PTPRR: variants seen among roughly 807,000 people sequenced by gnomAD.
The protein encoded by PTPRR is receptor-type tyrosine-protein phosphatase R.
PTPRR carries 38 observed loss-of-function variants against 77.2 expected under a neutral mutation model. The ratio of observed to expected loss-of-function variants is 0.49; its 90% CI spans 0.38 to 0.65. The LOEUF (loss-of-function observed/expected upper bound fraction) is 0.65, where lower values mean the gene tolerates loss of function less well. Ranked by LOEUF, PTPRR falls within the 30% of genes least tolerant of loss-of-function variation. The pLI, the probability that PTPRR is intolerant of heterozygous loss-of-function variation, is 0.00. For synonymous variants in PTPRR, 299 were observed against 283.1 expected, an observed-to-expected ratio of 1.06 and a Z score of -0.57; for missense variants, 744 against 799.2, an observed-to-expected ratio of 0.93 and a Z score of 0.83.
chr12:70,867,490 G>A lies in PTPRR; in HGVS notation c.357+25189C>T, dbSNP rs1565723707. On this transcript the variant is annotated intron_variant, in intron 2 of 13. Coordinates refer to ENST00000283228, the MANE Select transcript of PTPRR (RefSeq NM_002849.4). ...AATCCAACTTACAAGGGATGTGAAG[G>A]ACCTCTTCAAGGAGAACTACAAACC... 2.0e-5 allele frequency among the ~76,000 whole-genome samples: 3 copies of A among 151,974 alleles called. No homozygotes were observed. In the South Asian group the frequency reaches 6.3e-4, roughly 32 times the overall value.
At chr12:70,791,206 T>A (rs1012757189) in intron 2 of PTPRR, among the ~76,000 whole-genome samples, 1 of 152,182 alleles carries the variant, frequency 6.6e-6, no homozygotes, top group Non-Finnish European at 1.5e-5. Context: ...TCCTATTTGA[T>A]CTCTCTAATA....
Position 70,892,852 on chromosome 12 carries a change from A to G in PTPRR, c.184T>C (p.Tyr62His), listed in dbSNP as rs1231699928. 3 of 1,613,470 alleles carry G rather than the reference A, an allele frequency of 1.9e-6. No individual in the cohort carries two copies. Among genetic ancestry groups the G allele is most frequent in the Non-Finnish European group, 2.5e-6 (3 of 1,179,638 alleles). The change falls in exon 2 of 14, where the codon TAC becomes CAC. Residue 62 changes from tyrosine to histidine, a missense_variant. Physicochemically the swap from Tyr to His is moderately conservative, Grantham distance 83. Coordinates refer to ENST00000283228, the MANE Select transcript of PTPRR (RefSeq NM_002849.4). ...KSLDIAPQKI[Y>H]RHSYHSSSEA... Reference sequence around the variant, plus strand: ...GAAGAGGAATGGTAGCTATGTCTGTAGATTTTTTGTGGGGCTATATCCAGG... The same window carrying G: ...GAAGAGGAATGGTAGCTATGTCTGTGGATTTTTTGTGGGGCTATATCCAGG...
intron 2 of PTPRR, among the ~76,000 whole-genome samples, chr12:70,850,509 C>T (rs1337130689): frequency 6.6e-6 from 1 of 152,156 alleles, no homozygotes; most frequent in African/African-American, 2.4e-5. Flanking sequence ...TTTCCCATCA[C>T]CGATTTCTAT....
At chr12:70,711,339 A>T (rs1229663941) in intron 6 of PTPRR, among the ~76,000 whole-genome samples, 1 of 152,172 alleles carries the variant, frequency 6.6e-6, no homozygotes, top group East Asian at 1.9e-4. Flanking sequence ...GTGCTAAATG[A>T]TGAGAACACA....
chr12:70,836,468 T>C (rs75372435), intron 2 of PTPRR, among the ~76,000 whole-genome samples: 404 of 152,126 alleles, frequency 2.7e-3, no homozygotes, highest in African/African-American at 7.9e-3. Context: ...TCTGCAGAAA[T>C]AGGACATATC....
chr12:70,767,343 A>G (rs1055695404), intron 2 of PTPRR, among the ~76,000 whole-genome samples: 3 of 150,586 alleles, frequency 2.0e-5, no homozygotes, highest in Admixed American at 6.6e-5. Context: ...ATGGAAAACA[A>G]AAAATTACAG....
chr12:70,905,153 T>G (rs1010636995), intron 1 of PTPRR, among the ~76,000 whole-genome samples: 4 of 151,660 alleles, frequency 2.6e-5, no homozygotes, highest in African/African-American at 7.3e-5. Flanking sequence ...ATTTATTTCA[T>G]TATAGGTAGA....
chr12:70,671,227 G>A (rs1887210544), intron 10 of PTPRR, among the ~76,000 whole-genome samples: 1 of 152,066 alleles, frequency 6.6e-6, no homozygotes, highest in South Asian at 2.1e-4. Context: ...GTATCATTTT[G>A]ATCTGTAAAA....
intron 6 of PTPRR, among the ~76,000 whole-genome samples, chr12:70,742,645 T>C (rs1418648671): frequency 1.3e-5 from 2 of 152,134 alleles, no homozygotes; most frequent in African/African-American, 2.4e-5. Context: ...AGAAAAACAC[T>C]CAAATATAAT....
chr12:70,850,071 T>A (rs1272601168), intron 2 of PTPRR, among the ~76,000 whole-genome samples: 1 of 152,142 alleles, frequency 6.6e-6, no homozygotes, highest in Non-Finnish European at 1.5e-5. Flanking sequence ...TAAAAAAAAG[T>A]AATTTTCTGG....
At chr12:70,920,090 A>G (rs1190201187) in intron 1 of PTPRR, among the ~76,000 whole-genome samples, 1 of 152,126 alleles carries the variant, frequency 6.6e-6, no homozygotes, top group Non-Finnish European at 1.5e-5. Context: ...CTGTATTCAT[A>G]TTGAAAATGT....
chr12:70,868,376 G>C (rs1315590797), intron 2 of PTPRR, among the ~76,000 whole-genome samples: 28 of 138,584 alleles, frequency 2.0e-4, no homozygotes, highest in African/African-American at 7.6e-4. Context: ...AAGTGGGAAA[G>C]GATATGAACA....
At chr12:70,868,106 C>A (rs1184114245) in intron 2 of PTPRR, among the ~76,000 whole-genome samples, 1 of 152,104 alleles carries the variant, frequency 6.6e-6, no homozygotes, top group Non-Finnish European at 1.5e-5. Flanking sequence ...CTAGGCAATA[C>A]CATTCACGAC....
chr12:70,802,945 A>G (rs76558903), intron 2 of PTPRR, among the ~76,000 whole-genome samples: 2,156 of 152,306 alleles, frequency 0.014, 27 homozygotes, highest in Non-Finnish European at 0.022. Flanking sequence ...AAATTTACCT[A>G]CTTTAACTCA....
At chr12:70,833,464 A>C (rs552660062) in intron 2 of PTPRR, among the ~76,000 whole-genome samples, 1 of 152,150 alleles carries the variant, frequency 6.6e-6, no homozygotes, top group Non-Finnish European at 1.5e-5. Flanking sequence ...GCTGGAAGAC[A>C]TCAGTGTAAA....
At chr12:70,745,213 C>G (rs12824583) in intron 6 of PTPRR, among the ~76,000 whole-genome samples, 4 of 151,934 alleles carry the variant, frequency 2.6e-5, no homozygotes, top group African/African-American at 7.3e-5. Flanking sequence ...TACAGGCATG[C>G]GCCACCTCAC....
chr12:70,641,380 C>T (rs1885994439), intron 13 of PTPRR, among the ~76,000 whole-genome samples: 1 of 152,168 alleles, frequency 6.6e-6, no homozygotes, highest in Non-Finnish European at 1.5e-5. Context: ...CTGGTCAGCA[C>T]TGGTATTTAC....
intron 13 of PTPRR, among the ~76,000 whole-genome samples, chr12:70,649,119 T>A (rs1886301914): frequency 6.6e-6 from 1 of 152,212 alleles, no homozygotes; most frequent in Non-Finnish European, 1.5e-5. Context: ...TTGAATTTAT[T>A]ACTAAAATGC....
chr12:70,815,114 C>G (rs1325930907), intron 2 of PTPRR, among the ~76,000 whole-genome samples: 10 of 106,004 alleles, frequency 9.4e-5, no homozygotes, highest in Admixed American at 1.2e-4. Context: ...TCTGAACATT[C>G]TAAGGAGAGA....
Sources: allele counts gnomAD v4.1 joint callset (sites outside exome capture counted in the v4.1 genomes callset), GRCh38; gene constraint gnomAD v4.1.1; transcripts MANE v1.5; gene names NCBI Gene and HGNC (gene_info 2026-07-23, HGNC 2026-07-21).